Variants in ITFG2 observed in about 807,000 individuals in gnomAD.
ITFG2 encodes integrin alpha FG-GAP repeat containing 2.
In ITFG2, 36 loss-of-function variants were observed where a neutral mutation model predicts 54.4. The ratio of observed to expected loss-of-function variants is 0.66; its 90% CI spans 0.51 to 0.87. ITFG2 has a LOEUF of 0.87. Among genes scored for constraint, ITFG2 ranks in the 40% least tolerant of loss-of-function variants. The pLI is 0.00. For missense variants in ITFG2, 524 were observed against 576.7 expected (o/e 0.91, Z 0.94); for synonymous variants, 211 against 225.4 (o/e 0.94, Z 0.57).
chr12:2,859,086 G>C, intron 3 of ITFG2: 2 of 1,607,212 alleles, frequency 1.2e-6, no homozygotes, highest in Non-Finnish European at 1.7e-6. Flanking sequence ...GGGGAGGACA[G>C]ATTTGCTCGG....
intron 2 of ITFG2, 76 bp from the exon 3 acceptor site, chr12:2,817,833 C>T (rs900357753): frequency 2.6e-5 from 37 of 1,429,948 alleles, no homozygotes; most frequent in Admixed American, 2.0e-4. Context: ...AACCTGCCCG[C>T]TCCTCCTGCT....
At chr12:2,828,465 G>A (rs780630659), downstream of ITFG2, 62 of 1,373,106 alleles carry the variant, frequency 4.5e-5, no homozygotes, top group Non-Finnish European at 6.3e-5. Flanking sequence ...AGAATGGGTT[G>A]GAATTGGATC....
chr12:2,832,030 C>T (rs2098005758), upstream of ITFG2, among the ~76,000 whole-genome samples: 1 of 152,098 alleles, frequency 6.6e-6, no homozygotes, highest in Non-Finnish European at 1.5e-5. Flanking sequence ...GGAGCTTCAG[C>T]CTGGAAGCTA....
At chr12:2,856,844 G>T in intron 2 of ITFG2, 1 of 672,368 alleles carries the variant, frequency 1.5e-6, no homozygotes. Context: ...AGCAGAAAAT[G>T]TATGGGCCAG....
downstream of ITFG2, chr12:2,827,616 G>A (rs1282035703): frequency 1.9e-6 from 3 of 1,614,048 alleles, no homozygotes; most frequent in Non-Finnish European, 2.5e-6. The surrounding 1 kb of genome is among the most constrained non-coding windows in gnomAD (Gnocchi z 4.0). Context: ...CCCTGAGTGG[G>A]TGCCTTACCT....
rs993786898 is a variant in ITFG2, at chr12:2,820,204, G to T, written c.525G>T (p.Lys175Asn). ...EHLTGQLVSL[K>N]KWMLEGQVDS... ...TGACAGGGCAGCTGGTGTCCCTCAAGAAATGGATGCTGGAGGGTCAGGTAA... is the reference window on the plus strand; with the variant it reads ...TGACAGGGCAGCTGGTGTCCCTCAATAAATGGATGCTGGAGGGTCAGGTAA... Residue 175 changes from lysine (K) to asparagine (N), a missense_variant, in exon 5 of 12, where the codon AAG becomes AAT. Physicochemically the swap from Lys to Asn is moderately conservative, Grantham distance 94. Transcript: ENST00000228799. 1.9e-6 allele frequency: 3 copies of T among 1,609,512 alleles called. No homozygotes were observed. The highest frequency in any genetic ancestry group is 2.5e-6 in the Non-Finnish European group (3 of 1,177,858).
intron 2 of ITFG2, chr12:2,855,047 G>T (rs999741930): frequency 2.3e-5 from 35 of 1,536,002 alleles, no homozygotes; most frequent in Admixed American, 9.8e-5. Flanking sequence ...ACAAACGTGG[G>T]ATAACAGTGG....
intron 5 of ITFG2, 88 bp from the exon 6 acceptor site, chr12:2,820,636 C>A: frequency 3.6e-6 from 1 of 275,244 alleles, no homozygotes. Flanking sequence ...CTGCCCCCGC[C>A]CCCGCCCACC....
intron 4 of ITFG2, 22 bp downstream of exon 4, chr12:2,818,299 G>C: frequency 6.2e-7 from 1 of 1,609,456 alleles, no homozygotes; most frequent in Non-Finnish European, 8.5e-7. Flanking sequence ...TACCTTTGCA[G>C]GCAGCCAGGA....
chr12:2,847,608 A>G (rs1405847789), intron 2 of ITFG2, among the ~76,000 whole-genome samples: 1 of 149,542 alleles, frequency 6.7e-6, no homozygotes, highest in Non-Finnish European at 1.5e-5. Context: ...TGGAGATTGC[A>G]GTGAGCCAAG....
intron 1 of ITFG2, among the ~76,000 whole-genome samples, chr12:2,815,405 C>T (rs560255583): frequency 6.6e-6 from 1 of 152,328 alleles, no homozygotes; most frequent in East Asian, 1.9e-4. Flanking sequence ...AGGCTCCATA[C>T]AGGGACCTCC....
chr12:2,849,265 G>T, intron 2 of ITFG2: 1 of 1,536,086 alleles, frequency 6.5e-7, no homozygotes, highest in Non-Finnish European at 8.7e-7. Context: ...CCTCTTCCTT[G>T]CTGGGGATTT....
chr12:2,819,404 C>T (rs578180277), intron 4 of ITFG2, among the ~76,000 whole-genome samples: 1 of 151,818 alleles, frequency 6.6e-6, no homozygotes, highest in South Asian at 2.1e-4. Context: ...GGAGGCAGAG[C>T]TTGCAGTAAG....
At position 2,820,805 on chromosome 12, in the gene ITFG2, C is replaced by G. The variant is rs757493974; in HGVS notation, c.628C>G (p.Leu210Val). The G allele has an allele frequency of 2.0e-5, 33 of 1,614,086 alleles. No individual in the cohort carries two copies. Among genetic ancestry groups the G allele is most frequent in the Non-Finnish European group, 2.7e-5 (32 of 1,179,968 alleles). Reference sequence around the variant, plus strand: ...TCAGCCAGGTTGTGCGTATGCAATTCTACTGTGTACCTGGAAAAAGGACAC... The same window carrying G: ...TCAGCCAGGTTGTGCGTATGCAATTGTACTGTGTACCTGGAAAAAGGACAC... ...VSQPGCAYAI[L>V]LCTWKKDTGS... The change falls in exon 6 of 12, where the codon CTA becomes GTA. Residue 210 changes from leucine (L) to valine (V), a missense_variant. Physicochemically the swap from Leu to Val is conservative, Grantham distance 32. Transcript: ENST00000228799.
intron 10 of ITFG2, 130 bp from the exon 11 acceptor site, chr12:2,823,640 C>T: frequency 8.8e-7 from 1 of 1,135,670 alleles, no homozygotes; most frequent in South Asian, 2.1e-5. Flanking sequence ...GAAGAAATAA[C>T]CTTTAATTTT....
At chr12:2,837,148 A>G (rs1379598371) in intron 1 of ITFG2, among the ~76,000 whole-genome samples, 2 of 152,088 alleles carry the variant, frequency 1.3e-5, no homozygotes, top group Admixed American at 6.6e-5. Flanking sequence ...CCTGGCCAAC[A>G]TGGTGAAACG....
chr12:2,842,383 A>G (rs61919363), intron 2 of ITFG2, among the ~76,000 whole-genome samples: 34,397 of 149,900 alleles, frequency 0.23, 5,124 homozygotes, highest in African/African-American at 0.43. Flanking sequence ...GGCCTCCCAA[A>G]GTGCTGGGAT....
downstream of ITFG2, chr12:2,827,104 G>T: frequency 6.4e-7 from 1 of 1,564,114 alleles, no homozygotes; most frequent in South Asian, 1.2e-5. This position sits in a 1 kb window ranked among gnomAD's most constrained non-coding sequence, Gnocchi z 4.0. Context: ...TGGAAGGGCA[G>T]ACACCATAGT....
intron 2 of ITFG2, among the ~76,000 whole-genome samples, chr12:2,849,833 A>C (rs1040132243): frequency 6.6e-6 from 1 of 152,230 alleles, no homozygotes; most frequent in African/African-American, 2.4e-5. Context: ...CTGTCCTTCA[A>C]GTCTCACCTT....
Sources: gnomAD v4.1 joint callset for allele counts (sites outside exome capture counted in the v4.1 genomes callset) on GRCh38, gnomAD v4.1.1 for gene constraint, Gnocchi (gnomAD v3.1) non-coding constraint, MANE v1.5 for transcripts, NCBI Gene and HGNC (gene_info 2026-07-23, HGNC 2026-07-21) for gene names.